TUBD1: variants seen among roughly 807,000 people sequenced by gnomAD.
TUBD1 encodes tubulin delta 1.
Under a neutral mutation model 51.2 loss-of-function variants are expected in TUBD1, and 38 were observed. The ratio of observed to expected loss-of-function variants is 0.74; its 90% CI spans 0.57 to 0.97. The LOEUF (loss-of-function observed/expected upper bound fraction) is 0.97. Ranked by LOEUF, TUBD1 falls within the 50% of genes least tolerant of loss-of-function variation. TUBD1 has a pLI of 0.00. For missense variants in TUBD1, 489 were observed against 538.4 expected (o/e 0.91, Z 0.91); for synonymous variants, 169 against 178.2 (o/e 0.95, Z 0.41).
intron 6 of TUBD1, among the ~76,000 whole-genome samples, chr17:59,869,379 G>C (rs1440601781): frequency 6.6e-6 from 1 of 151,274 alleles, no homozygotes; most frequent in East Asian, 2.0e-4. Context: ...GGGAGGCTGA[G>C]GCAAAAGAAT....
intron 2 of TUBD1, among the ~76,000 whole-genome samples, chr17:59,889,668 CAA>C (rs1195587619): frequency 1.5e-4 from 8 of 54,172 alleles, no homozygotes; most frequent in African/African-American, 2.2e-4. Context: ...GACTCTGTCT[CAA>C]AAAAAAAAAA....
At chr17:59,871,049 A>C (rs1435132674) in intron 6 of TUBD1, among the ~76,000 whole-genome samples, 2 of 152,232 alleles carry the variant, frequency 1.3e-5, no homozygotes, top group African/African-American at 4.8e-5. Context: ...GAATCAGAAC[A>C]ACCTGAGACT....
chr17:59,873,227 CAGACATTACTT>C (rs1489037843), intron 6 of TUBD1, among the ~76,000 whole-genome samples: 1 of 147,626 alleles, frequency 6.8e-6, no homozygotes, highest in Non-Finnish European at 1.5e-5. Context: ...AAATTCATAC[CAGACATTACTT>C]AAGTTGTTTT....
chr17:59,889,423 T>C (rs1262631094), intron 2 of TUBD1, among the ~76,000 whole-genome samples: 4 of 150,892 alleles, frequency 2.7e-5, no homozygotes, highest in Admixed American at 2.0e-4. Flanking sequence ...TCCCAGCACT[T>C]TGGGAAGCTG....
Position 59,881,102 on chromosome 17 carries a change from A to G in TUBD1, c.329T>C (p.Val110Ala), listed in dbSNP as rs1456207151. The change falls in exon 4 of 9, where the codon GTT (valine) becomes GCT (alanine). Residue 110 changes from valine to alanine, a missense_variant. Transcript: ENST00000325752. ...AGATTCTTCATGCCTGGGTCCATGA[A>G]CAGAGTAACTATGCAATGGCAAAAG... Reference protein sequence around the residue: ...SGNNWAYGYSVHGPRHEESIM... With the variant: ...SGNNWAYGYSAHGPRHEESIM... The G allele has an allele frequency of 3.7e-6, 6 of 1,613,540 alleles. No homozygotes were observed. The highest frequency in any genetic ancestry group is 5.1e-6 in the Non-Finnish European group (6 of 1,179,494).
chr17:59,878,071 T>C, intron 5 of TUBD1, 32 bp downstream of exon 5: 1 of 1,549,286 alleles, frequency 6.5e-7, no homozygotes, highest in Non-Finnish European at 8.9e-7. Context: ...ACATAAGGCT[T>C]TCCTATAATT....
chr17:59,875,423 T>G (rs1203901118), intron 5 of TUBD1, among the ~76,000 whole-genome samples: 1 of 151,906 alleles, frequency 6.6e-6, no homozygotes. Context: ...ATACCGTATC[T>G]GGTTAGGTGA....
chr17:59,873,913 G>A (rs2144498501), intron 6 of TUBD1, among the ~76,000 whole-genome samples: 1 of 151,586 alleles, frequency 6.6e-6, no homozygotes, highest in Non-Finnish European at 1.5e-5. Context: ...TAATTGGCCG[G>A]GCACGGTGGC....
At position 59,878,334 on chromosome 17, in the gene TUBD1, C is replaced by A; in HGVS notation, c.538G>T (p.Val180Phe). The A allele has an allele frequency of 1.2e-6, 2 of 1,606,622 alleles. No homozygotes were observed. The highest frequency in any genetic ancestry group is 1.7e-6 in the Non-Finnish European group (2 of 1,173,538). Residue 180 changes from valine to phenylalanine, a missense_variant and splice_region_variant, in exon 5 of 9, where the codon GTT (valine) becomes TTT (phenylalanine). Val to Phe is a conservative substitution (Grantham distance 50, BLOSUM62 -1). Transcript: ENST00000325752. ...ATGGAGTTGTAGTTTTGAACAATAA[C>A]CTGGAGAGGAAAAGGTCAGAAAAAA... ...QIIWPYGTGE[V>F]IVQNYNSILT...
In TUBD1 at chr17:59,878,736, CCTAAAGTG is replaced by C. The variant is rs200570078; in HGVS notation, c.538-410_538-403del. On this transcript the variant is annotated intron_variant, in intron 4 of 8. Transcript: ENST00000325752. Reference sequence around the variant, plus strand: ...CTCAAGTGATCCACCCCCTTGTCCTCCTAAAGTGCTGGGATTATAGGCGTGAGCCACCG... The same window carrying C: ...CTCAAGTGATCCACCCCCTTGTCCTCCTGGGATTATAGGCGTGAGCCACCG... The C allele has an allele frequency of 6.4e-3, 1,139 of 179,028 alleles. 17 individuals are homozygous for C. The highest frequency in any genetic ancestry group is 0.026 in the African/African-American group (1,084 of 41,952). The allele number at this position is 179,028 out of a possible 1,614,324, so 11.1% of individuals were successfully genotyped here. A position where few individuals can be genotyped will look rare whatever the true frequency, so the allele number is the denominator to read the frequency against.
In TUBD1 at chr17:59,874,764, A is replaced by C. The variant is rs983771734; in HGVS notation, c.770-61T>G. On this transcript the variant is annotated intron_variant, in intron 5 of 8. Coordinates refer to ENST00000325752, the MANE Select transcript of TUBD1 (RefSeq NM_016261.4). ...TATTCTACATTGTTGCCAATAGTCT[A>C]TATATAACCATGATTTGAAGGTTTT... The C allele has an allele frequency of 2.2e-6, 3 of 1,381,780 alleles. No individual in the cohort carries two copies. The African/African-American group carries it at 4.4e-5, about 20-fold the overall frequency. 85.6% of individuals were successfully genotyped at this position (1,381,780 alleles called of 1,614,324 possible). A position where few individuals can be genotyped will look rare whatever the true frequency, so the allele number is the denominator to read the frequency against.
rs139355190 is a variant in TUBD1 at position 59,880,902 on chromosome 17, T to A, written c.529A>T (p.Thr177Ser). The A allele has an allele frequency of 6.2e-7, 1 of 1,613,522 alleles. No homozygotes were observed. The highest frequency in any genetic ancestry group is 1.3e-5 in the African/African-American group (1 of 74,922). ...AATTAACATGTCCATACCTCACCAG[T>A]TCCATAAGGCCAAATAATCTGATTC... is the stretch of plus-strand genomic sequence containing the variant. ...KMNQIIWPYGTGEVIVQNYNS... is the reference protein window; with the variant it reads ...KMNQIIWPYGSGEVIVQNYNS... The change falls in exon 4 of 9, where the codon ACT (threonine) becomes TCT (serine). Residue 177 changes from threonine to serine, a missense_variant. Physicochemically the swap from Thr to Ser is moderately conservative, Grantham distance 58 (BLOSUM62 1). Coordinates refer to ENST00000325752, the MANE Select transcript of TUBD1 (RefSeq NM_016261.4).
chr17:59,861,818 C>T (rs571424402), intron 8 of TUBD1, among the ~76,000 whole-genome samples: 80 of 151,652 alleles, frequency 5.3e-4, no homozygotes, highest in African/African-American at 1.9e-3. Flanking sequence ...CAGGTGCCCG[C>T]CACCACGCCC....
At chr17:59,862,787 C>T (rs983360581) in intron 8 of TUBD1, among the ~76,000 whole-genome samples, 56 of 135,548 alleles carry the variant, frequency 4.1e-4, no homozygotes, top group African/African-American at 1.5e-3. Context: ...TGCAGTGGCG[C>T]GATCTCGGCT....
chr17:59,860,290 G>T lies in TUBD1; in HGVS notation c.*32C>A. 7.1e-7 allele frequency: 1 copy of T among 1,410,276 alleles called. No homozygotes were observed. 87.4% of individuals were successfully genotyped at this position (1,410,276 alleles called of 1,614,324 possible). On this transcript the variant is annotated 3_prime_UTR_variant, in exon 9 of 9. Transcript: ENST00000325752. ...ATTGAAAATATTTTAGTCCAGAAAT[G>T]CCTTAAGGTATACTTTTCCCATTGT...
At position 59,890,856 on chromosome 17, in the gene TUBD1, T is replaced by C. The variant is rs1307803809; in HGVS notation, c.147A>G (p.Arg49=). ...CTCCATTCTCCTCCTCACTGAAGAA[T>C]CTTTCTTTGCAAGATGCTTGATATG... is the stretch of plus-strand genomic sequence containing the variant. The part of the protein sequence containing the change: ...NEAYQASCKE[R]FFSEEENGVP... Residue 49 remains arginine (R), a synonymous_variant, in exon 2 of 9, where the codon AGA becomes AGG. Coordinates refer to ENST00000325752, the MANE Select transcript of TUBD1 (RefSeq NM_016261.4). 1 of 1,613,450 alleles carries C rather than the reference T, an allele frequency of 6.2e-7. No individual in the cohort carries two copies. The highest frequency in any genetic ancestry group is 8.5e-7 in the Non-Finnish European group (1 of 1,179,720).
rs1310419500 is a variant in TUBD1 at position 59,876,742 on chromosome 17, C to G, written c.769+1361G>C. On this transcript the variant is annotated intron_variant, in intron 5 of 8. Coordinates refer to ENST00000325752, the MANE Select transcript of TUBD1 (RefSeq NM_016261.4). The stretch of plus-strand genomic sequence containing the variant: ...CCTGGCCTCAAGCGATCTTCCCACC[C>G]TGGCCTCCTAAAGCACTGGGATTAC... Among the ~76,000 whole-genome samples, 3 of 152,110 alleles carry G rather than the reference C, an allele frequency of 2.0e-5. No homozygotes were observed. In the South Asian group the frequency reaches 6.2e-4, roughly 31 times the overall value.
At position 59,878,123 on chromosome 17, in the gene TUBD1, T is replaced by C; in HGVS notation, c.749A>G (p.His250Arg). 1 of 1,614,048 alleles carries C rather than the reference T, an allele frequency of 6.2e-7. No individual in the cohort carries two copies. The change falls in exon 5 of 9, where the codon CAC (histidine) becomes CGC (arginine). Residue 250 changes from histidine (H) to arginine (R), a missense_variant. Coordinates refer to ENST00000325752, the MANE Select transcript of TUBD1 (RefSeq NM_016261.4). ...QPTYSAESSFHYRRNPLGDLM... is the reference protein window; with the variant it reads ...QPTYSAESSFRYRRNPLGDLM... ...AATACCTAGTGGATTTCGTCTGTAGTGAAATGAGCTTTCTGCAGAATAAGT... is the reference window on the plus strand; with the variant it reads ...AATACCTAGTGGATTTCGTCTGTAGCGAAATGAGCTTTCTGCAGAATAAGT...
chr17:59,860,554 T>G, intron 8 of TUBD1, 130 bp from the exon 9 acceptor site: 1 of 626,624 alleles, frequency 1.6e-6, no homozygotes, highest in Non-Finnish European at 2.7e-6. Context: ...TCAGAAGTCT[T>G]ACATTTGCTT....
Sources: allele counts gnomAD v4.1 joint callset (sites outside exome capture counted in the v4.1 genomes callset), GRCh38; gene constraint gnomAD v4.1.1; transcripts MANE v1.5; gene names NCBI Gene and HGNC (gene_info 2026-07-23, HGNC 2026-07-21).